EFCAB5: variants seen among roughly 807,000 people sequenced by gnomAD.
EFCAB5 encodes the protein EF-hand calcium binding domain 5.
In EFCAB5, 131 loss-of-function variants were observed where a neutral mutation model predicts 167.9. The ratio of observed to expected loss-of-function variants is 0.78; its 90% confidence interval spans 0.68 to 0.90. The LOEUF (loss-of-function observed/expected upper bound fraction) is 0.90, where lower values mean the gene tolerates loss of function less well. EFCAB5 is among the 40% of genes least tolerant of loss of function. The probability of loss-of-function intolerance (pLI) is 0.00; values close to 1 mark genes in which losing one functional copy is unlikely to be tolerated. For synonymous variants in EFCAB5, 574 were observed against 602.8 expected (o/e 0.95, Z 0.70); for missense variants, 1,663 against 1,745.2 (o/e 0.95, Z 0.84).
rs1228989139 is a variant in EFCAB5, at chr17:30,092,160, A to T, written c.4224+3A>T. ...GAAGTTGGGATAAGTGTAAATTTGT[A>T]AGTTTTTTTTTAAAAAGCACCTTTT... On this transcript the variant is annotated splice_donor_region_variant and intron_variant, in intron 21 of 22. Coordinates refer to ENST00000394835, the MANE Select transcript of EFCAB5 (RefSeq NM_198529.4). 6.3e-7 allele frequency: 1 copy of T among 1,598,998 alleles called. No homozygotes were observed. Among genetic ancestry groups the T allele is most frequent in the Non-Finnish European group, 8.5e-7 (1 of 1,173,216 alleles).
intron 8 of EFCAB5, among the ~76,000 whole-genome samples, chr17:30,044,843 C>T (rs1250978682): frequency 3.3e-5 from 5 of 152,098 alleles, no homozygotes; most frequent in Admixed American, 3.3e-4. Context: ...AACTAAAAGA[C>T]TTATACATGA....
At chr17:29,986,841 G>A (rs1001259165) in intron 4 of EFCAB5, among the ~76,000 whole-genome samples, 2 of 151,298 alleles carry the variant, frequency 1.3e-5, no homozygotes, top group East Asian at 1.9e-4. Flanking sequence ...TAGAGACAGG[G>A]TTTCACCGTG....
Position 29,999,987 on chromosome 17 carries a change from C to A in EFCAB5, c.1044+11C>A, listed in dbSNP as rs1246911347. 6.5e-7 allele frequency: 1 copy of A among 1,535,668 alleles called. No homozygotes were observed. The highest frequency in any genetic ancestry group is 1.2e-5 in the South Asian group (1 of 82,296). On this transcript the variant is annotated intron_variant, in intron 7 of 22. Coordinates refer to ENST00000394835, the MANE Select transcript of EFCAB5 (RefSeq NM_198529.4). ...ATGGAATTTACAGAAGTAAGAGTTA[C>A]ATTATTTAATGTTTGAATTGAATTA... is the stretch of plus-strand genomic sequence containing the variant.
rs750380191 is a variant in EFCAB5 at position 29,969,190 on chromosome 17, AG to A, written c.592del (p.Val198PhefsTer2). On this transcript the variant is annotated frameshift_variant, in exon 4 of 23. Coordinates refer to ENST00000394835, the MANE Select transcript of EFCAB5 (RefSeq NM_198529.4). LOFTEE classifies it high-confidence loss of function. Reference protein sequence around the residue: ...ENMLTQVEKKKVLTEADTPSK... With the variant: ...ENMLTQVEKKXVLTEADTPSK... ...ATGTTAACTCAAGTAGAAAAGAAGA[AG>A]GTTTTGACAGAAGCTGATACTCCAA... is the stretch of plus-strand genomic sequence containing the variant. 3 of 1,613,652 alleles carry A rather than the reference AG, an allele frequency of 1.9e-6. No homozygotes were observed. Among genetic ancestry groups the A allele is most frequent in the Non-Finnish European group, 2.5e-6 (3 of 1,179,818 alleles).
chr17:30,053,399 G>A lies in EFCAB5; in HGVS notation c.1445G>A (p.Ser482Asn). 1.2e-6 allele frequency: 2 copies of A among 1,613,918 alleles called. No homozygotes were observed. Among genetic ancestry groups the A allele is most frequent in the Non-Finnish European group, 1.7e-6 (2 of 1,179,874 alleles). ...LSANHASKTQ[S>N]KLLESPDQPK... ...GCAAATCATGCTAGCAAAACCCAAA[G>A]TAAATTATTAGAAAGTCCAGATCAA... The change falls in exon 10 of 23, where the codon AGT (serine) becomes AAT (asparagine). Residue 482 changes from serine to asparagine, a missense_variant. Coordinates refer to ENST00000394835, the MANE Select transcript of EFCAB5 (RefSeq NM_198529.4).
upstream of EFCAB5, among the ~76,000 whole-genome samples, chr17:29,940,279 G>T (rs541895941): frequency 7.8e-4 from 119 of 152,228 alleles, no homozygotes; most frequent in African/African-American, 2.8e-3. Flanking sequence ...GTTTCACTAT[G>T]TTGGCTAGGC....
chr17:30,041,472 G>A (rs918951918), intron 8 of EFCAB5, among the ~76,000 whole-genome samples: 9 of 152,192 alleles, frequency 5.9e-5, no homozygotes, highest in Admixed American at 5.9e-4. Flanking sequence ...TTGAATGCAT[G>A]ACAAATTTTT....
At chr17:30,064,762 A>C (rs976026740) in intron 14 of EFCAB5, among the ~76,000 whole-genome samples, 1 of 152,222 alleles carries the variant, frequency 6.6e-6, no homozygotes. Context: ...AACTCTAAAA[A>C]CAGCTAGAGA....
chr17:30,056,261 G>T, intron 12 of EFCAB5, 105 bp downstream of exon 12: 1 of 1,024,104 alleles, frequency 9.8e-7, no homozygotes, highest in Non-Finnish European at 1.4e-6. Flanking sequence ...GGCAGAATGG[G>T]AAGGTGTTCC....
intron 3 of EFCAB5, among the ~76,000 whole-genome samples, chr17:29,964,281 T>C (rs1235157562): frequency 6.6e-6 from 1 of 152,148 alleles, no homozygotes; most frequent in East Asian, 1.9e-4. Context: ...AAATTGCTCA[T>C]AGTATTCTCT....
At chr17:29,957,857 T>A (rs1227343616) in intron 3 of EFCAB5, among the ~76,000 whole-genome samples, 1 of 152,172 alleles carries the variant, frequency 6.6e-6, no homozygotes, top group African/African-American at 2.4e-5. Flanking sequence ...TACCCAGCAA[T>A]GGGATTGCTG....
chr17:30,080,339 G>A (rs1037902344), intron 16 of EFCAB5, 98 bp downstream of exon 16: 3 of 1,333,578 alleles, frequency 2.2e-6, no homozygotes, highest in Non-Finnish European at 2.0e-6. Flanking sequence ...GCTCAAAAGA[G>A]AGGTGCCTCA....
chr17:29,947,879 G>A (rs562578707), intron 3 of EFCAB5, among the ~76,000 whole-genome samples: 1 of 152,126 alleles, frequency 6.6e-6, no homozygotes, highest in Non-Finnish European at 1.5e-5. Context: ...AGGCTGGAGT[G>A]CAGTGGCGCA....
Position 30,092,149 on chromosome 17 carries a change from T to G in EFCAB5, c.4216T>G (p.Cys1406Gly). ...AAGTGACTTTGGAAGTTGGGATAAG[T>G]GTAAATTTGTAAGTTTTTTTTTAAA... Reference protein sequence around the residue: ...FSSDFGSWDKCKFYVNKYLVN... With the variant: ...FSSDFGSWDKGKFYVNKYLVN... Residue 1406 changes from cysteine (C) to glycine (G), a missense_variant, in exon 21 of 23, where the codon TGT becomes GGT. Coordinates refer to ENST00000394835, the MANE Select transcript of EFCAB5 (RefSeq NM_198529.4). 1 of 1,600,742 alleles carries G rather than the reference T, an allele frequency of 6.2e-7. No individual in the cohort carries two copies. Among genetic ancestry groups the G allele is most frequent in the African/African-American group, 1.3e-5 (1 of 74,160 alleles).
intron 18 of EFCAB5, among the ~76,000 whole-genome samples, chr17:30,084,800 A>G (rs1480027043): frequency 2.0e-5 from 3 of 152,026 alleles, no homozygotes; most frequent in African/African-American, 7.3e-5. Context: ...TTGTCCAATG[A>G]CAGCTGCCAA....
intron 12 of EFCAB5, 73 bp from the exon 13 acceptor site, chr17:30,057,603 T>C (rs1014928920): frequency 8.0e-7 from 1 of 1,256,064 alleles, no homozygotes; most frequent in Non-Finnish European, 1.1e-6. Context: ...TTCATTACAA[T>C]AGGCACTCAT....
At chr17:29,996,472 G>A in intron 6 of EFCAB5, 112 bp downstream of exon 6, 1 of 861,682 alleles carries the variant, frequency 1.2e-6, no homozygotes, top group Non-Finnish European at 1.8e-6. Flanking sequence ...AACTCTTGCA[G>A]GGGCAATTAG....
intron 22 of EFCAB5, among the ~76,000 whole-genome samples, chr17:30,096,664 T>TAC (rs1567776786): frequency 3.3e-5 from 2 of 59,878 alleles, no homozygotes; most frequent in African/African-American, 1.6e-4. Context: ...TATATATATA[T>TAC]ATATATATAT....
At chr17:30,069,338 G>A (rs573864311) in intron 14 of EFCAB5, 1,399 of 1,555,236 alleles carry the variant, frequency 9.0e-4, no homozygotes, top group Non-Finnish European at 1.2e-3. Context: ...GTTTGAACAG[G>A]AAAATCAGCG....
Sources: gnomAD v4.1 joint callset for allele counts (sites outside exome capture counted in the v4.1 genomes callset) on GRCh38, gnomAD v4.1.1 for gene constraint, MANE v1.5 for transcripts, NCBI Gene and HGNC (gene_info 2026-07-23, HGNC 2026-07-21) for gene names.